Variants in LRP1B observed in about 807,000 individuals in gnomAD.
LRP1B encodes the protein LDL receptor related protein 1B, also known as low-density lipoprotein receptor-related protein 1B.
Under a neutral mutation model 556.6 loss-of-function variants are expected in LRP1B, and 217 were observed. The observed-to-expected ratio is 0.39, with a 90% CI of 0.35 to 0.44. LRP1B has a LOEUF of 0.44. LRP1B is among the 20% of genes least tolerant of loss of function. The pLI, the probability that LRP1B is intolerant of heterozygous loss-of-function variation, is 1.00. For synonymous variants in LRP1B, 2,047 were observed against 1,865.8 expected (o/e 1.10, Z -2.50); for missense variants, 5,053 against 5,620.8 (o/e 0.90, Z 3.23).
At chr2:140,608,826 GTTTC>G (rs150489814) in intron 41 of LRP1B, among the ~76,000 whole-genome samples, 12,923 of 151,826 alleles carry the variant, frequency 0.085, 811 homozygotes, top group African/African-American at 0.17. Context: ...ACAGTGATTT[GTTTC>G]TTTGTTTGTT....
At chr2:140,392,584 T>C (rs919171866) in intron 66 of LRP1B, among the ~76,000 whole-genome samples, 1 of 151,312 alleles carries the variant, frequency 6.6e-6, no homozygotes, top group African/African-American at 2.4e-5. Context: ...ACCTCCTGAA[T>C]TCAAGCAATT....
At chr2:140,270,123 A>G in intron 86 of LRP1B, 119 bp downstream of exon 86, 2 of 685,142 alleles carry the variant, frequency 2.9e-6, no homozygotes, top group Admixed American at 4.8e-5. Flanking sequence ...ATACTTGATC[A>G]GAGATGTCCA....
chr2:140,724,115 A>G (rs1014789713), intron 35 of LRP1B, among the ~76,000 whole-genome samples: 5 of 152,156 alleles, frequency 3.3e-5, no homozygotes, highest in Admixed American at 3.3e-4. Context: ...AAATTGTGCA[A>G]ATTTTGTAGA....
intron 6 of LRP1B, among the ~76,000 whole-genome samples, chr2:141,224,741 C>A (rs1006474329): frequency 2.6e-5 from 4 of 151,954 alleles, no homozygotes; most frequent in Admixed American, 6.6e-5. Context: ...GAACCATGTT[C>A]TCACGTTCAA....
intron 15 of LRP1B, among the ~76,000 whole-genome samples, chr2:140,994,659 A>G (rs897876408): frequency 1.3e-5 from 2 of 149,198 alleles, no homozygotes; most frequent in African/African-American, 5.0e-5. Flanking sequence ...GAGATGATGG[A>G]TATATTAATT....
chr2:141,762,041 A>G (rs11679158), intron 2 of LRP1B, among the ~76,000 whole-genome samples: 67,252 of 151,846 alleles, frequency 0.44, 16,047 homozygotes, highest in Admixed American at 0.53. Context: ...CATGTCTAAA[A>G]TGCTTTAATC....
In LRP1B at chr2:141,541,390, G is replaced by T. The variant is rs563985402; in HGVS notation, c.206-60857C>A. 5.3e-5 allele frequency among the ~76,000 whole-genome samples: 8 copies of T among 152,106 alleles called. No homozygotes were observed. The East Asian group carries it at 1.5e-3, about 29-fold the overall frequency. ...AGCTGTCAAGTAAGATGACATTTGAGCTAAGTCTTAAAAACAGTAATTTGG... is the reference window on the plus strand; with the variant it reads ...AGCTGTCAAGTAAGATGACATTTGATCTAAGTCTTAAAAACAGTAATTTGG... On this transcript the variant is annotated intron_variant, in intron 2 of 90. Transcript: ENST00000389484.
At chr2:141,280,216 G>A (rs558543514) in intron 3 of LRP1B, among the ~76,000 whole-genome samples, 2 of 152,148 alleles carry the variant, frequency 1.3e-5, no homozygotes, top group South Asian at 4.1e-4. Context: ...TCCCCAAAGT[G>A]ACCACATAGT....
chr2:140,907,548 T>G lies in LRP1B; in HGVS notation c.3520+329A>C, dbSNP rs562899603. On this transcript the variant is annotated intron_variant, in intron 22 of 90. Coordinates refer to ENST00000389484, the MANE Select transcript of LRP1B (RefSeq NM_018557.3). The stretch of plus-strand genomic sequence containing the variant: ...ATCCGTAGATGAGGAACAACAAGTT[T>G]TCCTTGTTCTGAGGGATCAACAAAT... Among the ~76,000 whole-genome samples the G allele has an allele frequency of 2.0e-5, 3 of 152,240 alleles. No individual in the cohort carries two copies. In the East Asian group the frequency reaches 5.8e-4, roughly 29 times the overall value.
intron 1 of LRP1B, among the ~76,000 whole-genome samples, chr2:142,018,715 TAA>T (rs1366200849): frequency 7.2e-5 from 11 of 152,078 alleles, no homozygotes; most frequent in Admixed American, 7.2e-4. Context: ...CCATATAGAT[TAA>T]GTCAAATATA....
chr2:141,652,326 G>A (rs1477843887), intron 2 of LRP1B, among the ~76,000 whole-genome samples: 1 of 152,136 alleles, frequency 6.6e-6, no homozygotes, highest in East Asian at 1.9e-4. Flanking sequence ...CATAGATTAA[G>A]TTAGATAATT....
intron 18 of LRP1B, among the ~76,000 whole-genome samples, chr2:140,972,553 A>C (rs954959575): frequency 6.6e-5 from 10 of 151,806 alleles, no homozygotes; most frequent in African/African-American, 1.9e-4. Flanking sequence ...ATGTTCTCAG[A>C]ATATTGACAG....
Position 141,111,403 on chromosome 2 carries a change from ATTTAT to A in LRP1B, c.1014-49135_1014-49131del, listed in dbSNP as rs1216457849. The stretch of plus-strand genomic sequence containing the variant: ...TTTGCAAATTTGTTTACTTGCTTAT[ATTTAT>A]TTTAAAATTTTTCACCTTTAATCAA... On this transcript the variant is annotated intron_variant, in intron 7 of 90. Transcript: ENST00000389484. 1.2e-4 allele frequency among the ~76,000 whole-genome samples: 18 copies of A among 152,316 alleles called. No homozygotes were observed. In the East Asian group the frequency reaches 2.9e-3, roughly 25 times the overall value.
At chr2:141,790,573 G>C (rs1361369925) in intron 2 of LRP1B, among the ~76,000 whole-genome samples, 1 of 151,810 alleles carries the variant, frequency 6.6e-6, no homozygotes, top group Non-Finnish European at 1.5e-5. Context: ...CCATTAAAAA[G>C]TGAAAAATGT....
At chr2:141,682,125 T>C (rs997553487) in intron 2 of LRP1B, among the ~76,000 whole-genome samples, 4 of 152,106 alleles carry the variant, frequency 2.6e-5, no homozygotes, top group Admixed American at 2.0e-4. Flanking sequence ...GGTGTCTTGA[T>C]AGCACTGGAT....
chr2:141,188,695 C>T, intron 6 of LRP1B, 112 bp from the exon 7 acceptor site: 1 of 874,224 alleles, frequency 1.1e-6, no homozygotes, highest in South Asian at 1.9e-5. Flanking sequence ...AAAGTATAGA[C>T]ATTTTTATGA....
chr2:141,466,925 A>G (rs1682225269), intron 3 of LRP1B, among the ~76,000 whole-genome samples: 1 of 143,018 alleles, frequency 7.0e-6, no homozygotes, highest in South Asian at 2.4e-4. Context: ...CTGATATGGC[A>G]TAAGTGAAAA....
intron 1 of LRP1B, among the ~76,000 whole-genome samples, chr2:142,048,206 G>GACA (rs1165034785): frequency 6.6e-6 from 1 of 152,016 alleles, no homozygotes; most frequent in East Asian, 1.9e-4. Context: ...CTGCCTTGTT[G>GACA]AGGAAAGGGA....
At position 140,232,650 on chromosome 2, in the gene LRP1B, T is replaced by G. The variant is rs1680520710; in HGVS notation, c.*536A>C. The G allele has an allele frequency of 6.6e-6, 1 of 151,788 alleles. No homozygotes were observed. The highest frequency in any genetic ancestry group is 1.5e-5 in the Non-Finnish European group (1 of 67,572). 9.4% of individuals were successfully genotyped at this position (151,788 alleles called of 1,614,324 possible). ...CATCTATTGGTTGGCAATCTAAGGC[T>G]AATTTCAAAGCAGGTGATGCTGAAC... On this transcript the variant is annotated 3_prime_UTR_variant, in exon 91 of 91. Transcript: ENST00000389484.
Sources: allele counts gnomAD v4.1 joint callset (sites outside exome capture counted in the v4.1 genomes callset), GRCh38; gene constraint gnomAD v4.1.1; transcripts MANE v1.5; gene names NCBI Gene and HGNC (gene_info 2026-07-23, HGNC 2026-07-21).